PRKN: variants seen among roughly 807,000 people sequenced by gnomAD.
PRKN encodes the protein E3 ubiquitin-protein ligase parkin.
In PRKN, 56 loss-of-function variants were observed where a neutral mutation model predicts 59.5. The observed-to-expected ratio is 0.94, with a 90% confidence interval of 0.76 to 1.18. The LOEUF (loss-of-function observed/expected upper bound fraction) is 1.18, where lower values mean the gene tolerates loss of function less well. PRKN is among the 50% of genes most tolerant of loss of function. The pLI is 0.00. For synonymous variants in PRKN, 250 were observed against 222.1 expected (o/e 1.13, Z -1.12); for missense variants, 657 against 596.4 (o/e 1.10, Z -1.06).
intron 1 of PRKN, among the ~76,000 whole-genome samples, chr6:162,587,852 T>C (rs1244386980): frequency 6.6e-6 from 1 of 152,130 alleles, no homozygotes. Context: ...TGAATTATCA[T>C]GCAGAATAAA....
At chr6:161,822,004 C>G (rs1488034406) in intron 6 of PRKN, among the ~76,000 whole-genome samples, 1 of 151,590 alleles carries the variant, frequency 6.6e-6, no homozygotes, top group African/African-American at 2.4e-5. Context: ...CTGCCTGGCC[C>G]CTGGCATCTT....
intron 9 of PRKN, among the ~76,000 whole-genome samples, chr6:161,438,856 T>A (rs140473416): frequency 3.5e-4 from 54 of 152,260 alleles, no homozygotes; most frequent in African/African-American, 1.3e-3. Context: ...TGCCTTTTAC[T>A]GAAAGCAAGG....
chr6:162,144,011 CT>C (rs1240358039), intron 4 of PRKN, among the ~76,000 whole-genome samples: 6 of 152,136 alleles, frequency 3.9e-5, no homozygotes, highest in Non-Finnish European at 8.8e-5. Flanking sequence ...AATTATCTGG[CT>C]CATTTAAAGA....
At position 161,442,909 on chromosome 6, in the gene PRKN, G is replaced by C. The variant is rs9458256; in HGVS notation, c.1084-56032C>G. ...TCTCACTTACTGCCAATGTGTCCAC[G>C]CTGCTCCTCAGGCAAGCCATTCTCC... On this transcript the variant is annotated intron_variant, in intron 9 of 11. Coordinates refer to ENST00000366898, the MANE Select transcript of PRKN (RefSeq NM_004562.3). This position sits in a 1 kb window ranked among gnomAD's most constrained non-coding sequence, Gnocchi z 4.6. Among the ~76,000 whole-genome samples, 20,801 of 152,066 alleles carry C rather than the reference G, an allele frequency of 0.14. 1,631 individuals carry two copies. Among genetic ancestry groups the C allele is most frequent in the African/African-American group, 0.2 (8,259 of 41,452 alleles).
chr6:161,731,944 A>T (rs903960742), intron 7 of PRKN, among the ~76,000 whole-genome samples: 11 of 150,884 alleles, frequency 7.3e-5, no homozygotes, highest in Admixed American at 7.3e-4. Context: ...TTTTTTTGGT[A>T]TTTTTTTTTA....
intron 2 of PRKN, among the ~76,000 whole-genome samples, chr6:162,288,074 T>A (rs974952269): frequency 1.3e-5 from 2 of 152,136 alleles, no homozygotes; most frequent in African/African-American, 4.8e-5. Context: ...AGCTAAAATC[T>A]TCTTCTGAAC....
At chr6:161,953,119 A>C (rs1780047892) in intron 6 of PRKN, among the ~76,000 whole-genome samples, 1 of 152,092 alleles carries the variant, frequency 6.6e-6, no homozygotes, top group Non-Finnish European at 1.5e-5. Flanking sequence ...GAATTTATTT[A>C]TTTATTTATT....
At chr6:161,616,488 T>C (rs1233678905) in intron 7 of PRKN, among the ~76,000 whole-genome samples, 2 of 151,918 alleles carry the variant, frequency 1.3e-5, no homozygotes, top group Non-Finnish European at 2.9e-5. Context: ...GATATACACA[T>C]GCCATAGTGG....
chr6:161,690,306 T>A (rs541095778), intron 7 of PRKN, among the ~76,000 whole-genome samples: 61 of 152,214 alleles, frequency 4.0e-4, no homozygotes, highest in Admixed American at 3.3e-4. Context: ...GAGAGTTTGG[T>A]GTGTAAAGGA....
rs534360059 is a variant in PRKN, at chr6:162,088,508, ATTT to A, written c.535-34337_535-34335del. 1.3e-3 allele frequency among the ~76,000 whole-genome samples: 201 copies of A among 152,306 alleles called. 1 individual carries two copies. The highest frequency in any genetic ancestry group is 2.6e-3 in the Non-Finnish European group (175 of 68,030). ...GAAAAAATTAAATTGGCTTAGTAAA[ATTT>A]TAGTCAAAATTTTGTGTATTTGTTT... On this transcript the variant is annotated intron_variant, in intron 4 of 11. Transcript: ENST00000366898.
chr6:162,121,115 G>A (rs935173169), intron 4 of PRKN, among the ~76,000 whole-genome samples: 1 of 152,136 alleles, frequency 6.6e-6, no homozygotes, highest in Non-Finnish European at 1.5e-5. Flanking sequence ...CATAGCACCT[G>A]CACTTTTCTC....
At chr6:162,334,476 G>A (rs1310659037) in intron 2 of PRKN, among the ~76,000 whole-genome samples, 1 of 152,154 alleles carries the variant, frequency 6.6e-6, no homozygotes, top group Non-Finnish European at 1.5e-5. Context: ...CTATATGCCA[G>A]CACATCTGTT....
intron 1 of PRKN, among the ~76,000 whole-genome samples, chr6:162,465,200 C>A (rs77148667): frequency 6.6e-6 from 1 of 152,134 alleles, no homozygotes; most frequent in Admixed American, 6.5e-5. Context: ...CAACTCTGTC[C>A]AAGCTTGCAT....
intron 4 of PRKN, among the ~76,000 whole-genome samples, chr6:162,135,680 G>A (rs1266638599): frequency 6.6e-6 from 1 of 152,076 alleles, no homozygotes; most frequent in Non-Finnish European, 1.5e-5. Flanking sequence ...CTGTGGATCT[G>A]CAGATGAGAG....
In PRKN at chr6:161,483,411, C is replaced by T. The variant is rs558813893; in HGVS notation, c.1083+65443G>A. Among the ~76,000 whole-genome samples the T allele has an allele frequency of 9.2e-5, 14 of 152,122 alleles. No homozygotes were observed. Among genetic ancestry groups the T allele is most frequent in the East Asian group, 5.8e-4 (3 of 5,190 alleles). On this transcript the variant is annotated intron_variant, in intron 9 of 11. Coordinates refer to ENST00000366898, the MANE Select transcript of PRKN (RefSeq NM_004562.3). This position sits in a 1 kb window ranked among gnomAD's most constrained non-coding sequence, Gnocchi z 5.0. ...GAGCGTGGTTGAAAGGCTTGTCATG[C>T]GTAAGTGCTAATTAGCCCCAGGATG... is the stretch of plus-strand genomic sequence containing the variant.
At chr6:161,568,724 T>C (rs1303275738) in intron 8 of PRKN, among the ~76,000 whole-genome samples, 1 of 152,172 alleles carries the variant, frequency 6.6e-6, no homozygotes, top group Non-Finnish European at 1.5e-5. Flanking sequence ...TAGTTCCATA[T>C]AGGGATCAAG....
intron 7 of PRKN, among the ~76,000 whole-genome samples, chr6:161,577,499 A>G (rs1339587125): frequency 6.6e-6 from 1 of 152,188 alleles, no homozygotes; most frequent in Admixed American, 6.5e-5. Flanking sequence ...GAGAAGGAAA[A>G]CCTTCCAATA....
At chr6:162,693,309 C>T (rs1777846655) in intron 1 of PRKN, among the ~76,000 whole-genome samples, 1 of 152,160 alleles carries the variant, frequency 6.6e-6, no homozygotes, top group Non-Finnish European at 1.5e-5. Context: ...ACTAATGCTG[C>T]ATCCTCAGTA....
At chr6:161,455,885 G>T (rs936643008) in intron 9 of PRKN, among the ~76,000 whole-genome samples, 3 of 151,202 alleles carry the variant, frequency 2.0e-5, no homozygotes, top group Admixed American at 2.0e-4. Context: ...AAAAAATTAG[G>T]TGCATACAAA....
Sources: allele counts gnomAD v4.1 joint callset (sites outside exome capture counted in the v4.1 genomes callset), GRCh38; gene constraint gnomAD v4.1.1; non-coding constraint Gnocchi (gnomAD v3.1); transcripts MANE v1.5; gene names NCBI Gene and HGNC (gene_info 2026-07-23, HGNC 2026-07-21).